LRP1B: variants seen among roughly 807,000 people sequenced by gnomAD.
LRP1B encodes the protein low-density lipoprotein receptor-related protein 1B.
In LRP1B, 217 loss-of-function variants were observed where a neutral mutation model predicts 556.6. The ratio of observed to expected loss-of-function variants is 0.39; its 90% CI spans 0.35 to 0.44. The LOEUF (loss-of-function observed/expected upper bound fraction) is 0.44. Ranked by LOEUF, LRP1B falls within the 20% of genes least tolerant of loss-of-function variation. The probability of loss-of-function intolerance (pLI) is 1.00; values close to 1 mark genes in which losing one functional copy is unlikely to be tolerated. For synonymous variants in LRP1B, 2,047 were observed against 1,865.8 expected, an observed-to-expected ratio of 1.10 and a Z score of -2.50; for missense variants, 5,053 against 5,620.8, an observed-to-expected ratio of 0.90 and a Z score of 3.23.
chr2:141,849,890 A>G (rs1233161936), intron 1 of LRP1B, among the ~76,000 whole-genome samples: 1 of 151,708 alleles, frequency 6.6e-6, no homozygotes, highest in East Asian at 1.9e-4. Flanking sequence ...CTAAGAAAAC[A>G]GAGACAATTG....
intron 66 of LRP1B, among the ~76,000 whole-genome samples, chr2:140,420,762 T>C (rs1243118448): frequency 6.6e-6 from 1 of 152,206 alleles, no homozygotes; most frequent in Admixed American, 6.5e-5. Flanking sequence ...GAATACATGC[T>C]GTATGACTTG....
chr2:141,267,438 A>C (rs538023383), intron 3 of LRP1B, among the ~76,000 whole-genome samples: 3 of 152,322 alleles, frequency 2.0e-5, no homozygotes, highest in African/African-American at 7.2e-5. Context: ...GATATGAGCC[A>C]GTACAGAGAA....
At chr2:140,447,557 A>G (rs1686715125) in intron 63 of LRP1B, among the ~76,000 whole-genome samples, 1 of 152,150 alleles carries the variant, frequency 6.6e-6, no homozygotes, top group Admixed American at 6.6e-5. Context: ...ACTGTTGTGG[A>G]TGGCTTCATC....
At chr2:141,449,395 T>G (rs1025070144) in intron 3 of LRP1B, among the ~76,000 whole-genome samples, 1 of 152,190 alleles carries the variant, frequency 6.6e-6, no homozygotes, top group Non-Finnish European at 1.5e-5. Flanking sequence ...AGAAAAAAAT[T>G]TCTTTGGAAT....
intron 51 of LRP1B, among the ~76,000 whole-genome samples, chr2:140,511,370 C>T (rs185055659): frequency 2.5e-4 from 32 of 129,450 alleles, no homozygotes; most frequent in Admixed American, 9.0e-4. Context: ...GGCGCGGTCT[C>T]GGCTCAATGC....
chr2:141,480,245 C>A, intron 3 of LRP1B, 151 bp downstream of exon 3: 5 of 769,286 alleles, frequency 6.5e-6, no homozygotes, highest in Admixed American at 4.3e-5. Context: ...CTTTGAAATG[C>A]ATATTAAAAT....
chr2:141,004,308 G>C (rs764237869), intron 15 of LRP1B, among the ~76,000 whole-genome samples: 16 of 152,198 alleles, frequency 1.1e-4, no homozygotes, highest in Admixed American at 4.6e-4. Context: ...GAGTGAAGTA[G>C]ACTGCCCTCA....
intron 2 of LRP1B, among the ~76,000 whole-genome samples, chr2:141,608,356 G>C (rs931881583): frequency 3.3e-5 from 5 of 152,192 alleles, no homozygotes; most frequent in Non-Finnish European, 5.9e-5. Context: ...TAGCACAAAA[G>C]ACACGATTGG....
chr2:140,755,785 A>T (rs1184780812), intron 35 of LRP1B, among the ~76,000 whole-genome samples: 1 of 152,038 alleles, frequency 6.6e-6, no homozygotes, highest in Non-Finnish European at 1.5e-5. Flanking sequence ...TAAGACAAGA[A>T]TGTGTCTTCT....
intron 18 of LRP1B, among the ~76,000 whole-genome samples, chr2:140,973,912 G>A (rs150469505): frequency 1.1e-4 from 17 of 151,742 alleles, no homozygotes; most frequent in Non-Finnish European, 2.1e-4. Flanking sequence ...TCTCATTTTA[G>A]GCTATTAATT....
chr2:141,567,776 C>A (rs1686384912), intron 2 of LRP1B, among the ~76,000 whole-genome samples: 1 of 86,946 alleles, frequency 1.2e-5, no homozygotes, highest in Non-Finnish European at 3.0e-5. Flanking sequence ...AAAGATTCAC[C>A]TTGATTAGAA....
At chr2:141,142,921 CTTTT>C (rs35543111) in intron 7 of LRP1B, among the ~76,000 whole-genome samples, 6 of 101,434 alleles carry the variant, frequency 5.9e-5, no homozygotes, top group South Asian at 7.5e-4. Context: ...TGTCTGATTA[CTTTT>C]TTTTTTTTTT....
chr2:142,076,032 C>A (rs990808314), intron 1 of LRP1B, among the ~76,000 whole-genome samples: 3 of 152,090 alleles, frequency 2.0e-5, no homozygotes, highest in African/African-American at 4.8e-5. Context: ...CCACAGCCCC[C>A]TCCCACGTTA....
In LRP1B at chr2:141,049,242, A is replaced by T. The variant is rs564881403; in HGVS notation, c.1553-20T>A. On this transcript the variant is annotated intron_variant, in intron 10 of 90. Coordinates refer to ENST00000389484, the MANE Select transcript of LRP1B (RefSeq NM_018557.3). Reference sequence around the variant, plus strand: ...TTGGTCCTGCAGAGGAAAGATTACAAACACAAACAACTGATGCTGCTTAAT... The same window carrying T: ...TTGGTCCTGCAGAGGAAAGATTACATACACAAACAACTGATGCTGCTTAAT... 1.7e-5 allele frequency: 24 copies of T among 1,437,566 alleles called. 1 individual carries two copies. The South Asian group carries it at 2.7e-4, about 16-fold the overall frequency. The allele number at this position is 1,437,566 out of a possible 1,614,324, so 89.1% of individuals were successfully genotyped here.
At chr2:141,791,706 A>AGAC (rs1695617936) in intron 2 of LRP1B, among the ~76,000 whole-genome samples, 2 of 152,050 alleles carry the variant, frequency 1.3e-5, no homozygotes, top group African/African-American at 4.8e-5. Flanking sequence ...AGAACCAATG[A>AGAC]GACAGGACAC....
At chr2:140,868,330 G>T (rs2105157257) in intron 25 of LRP1B, 67 bp from the exon 26 acceptor site, 1 of 1,410,234 alleles carries the variant, frequency 7.1e-7, no homozygotes, top group South Asian at 1.5e-5. Flanking sequence ...GATATTTATT[G>T]AGTGCCTACC....
Position 141,383,867 on chromosome 2 carries a change from GA to G in LRP1B, c.343+96528del, listed in dbSNP as rs35515227. 8.5e-3 allele frequency among the ~76,000 whole-genome samples: 1,290 copies of G among 152,268 alleles called. 7 individuals carry two copies. Among genetic ancestry groups the G allele is most frequent in the Non-Finnish European group, 0.015 (1,024 of 67,992 alleles). On this transcript the variant is annotated intron_variant, in intron 3 of 90. Coordinates refer to ENST00000389484, the MANE Select transcript of LRP1B (RefSeq NM_018557.3). Reference sequence around the variant, plus strand: ...AGGGTTGGAGGATACAAGAAATGGAGAGACATTGGTCAAATGGTACAAAAGT... The same window carrying G: ...AGGGTTGGAGGATACAAGAAATGGAGGACATTGGTCAAATGGTACAAAAGT...
chr2:140,961,197 C>T (rs975877744), intron 18 of LRP1B, among the ~76,000 whole-genome samples: 2 of 151,916 alleles, frequency 1.3e-5, no homozygotes, highest in Non-Finnish European at 2.9e-5. Context: ...AATAAGGATA[C>T]ATAGGATAGT....
chr2:142,073,786 T>C (rs889569496), intron 1 of LRP1B, among the ~76,000 whole-genome samples: 2 of 151,970 alleles, frequency 1.3e-5, no homozygotes, highest in African/African-American at 4.8e-5. Context: ...GATAGAGTTC[T>C]CATGAGATCT....
Sources: gnomAD v4.1 joint callset for allele counts (sites outside exome capture counted in the v4.1 genomes callset) on GRCh38, gnomAD v4.1.1 for gene constraint, MANE v1.5 for transcripts, NCBI Gene and HGNC (gene_info 2026-07-23, HGNC 2026-07-21) for gene names.